Variants in RUSC2 observed in about 807,000 individuals in gnomAD.
The protein encoded by RUSC2 is AP-4 complex accessory subunit RUSC2.
Under a neutral mutation model 122.2 loss-of-function variants are expected in RUSC2, and 34 were observed. That is an observed-to-expected ratio of 0.28 (90% CI 0.21 to 0.37). The LOEUF is 0.37. RUSC2 is among the 10% of genes least tolerant of loss of function. The pLI is 1.00. For synonymous variants in RUSC2, 784 were observed against 790.0 expected (o/e 0.99, Z 0.13); for missense variants, 1,747 against 1,952.4 (o/e 0.89, Z 1.98).
At chr9:35,528,217 CT>C (rs1416853882) in intron 1 of RUSC2, among the ~76,000 whole-genome samples, 1 of 152,026 alleles carries the variant, frequency 6.6e-6, no homozygotes, top group Non-Finnish European at 1.5e-5. Context: ...AAGATGCCAT[CT>C]CTACAAAAAA....
chr9:35,560,884 G>A (rs754217684), intron 10 of RUSC2, 33 bp downstream of exon 10: 5 of 1,574,928 alleles, frequency 3.2e-6, no homozygotes, highest in Non-Finnish European at 4.3e-6. Context: ...GATGGAGGGA[G>A]TAGGGAGCCT....
At chr9:35,493,414 T>G (rs555252816) in intron 1 of RUSC2, among the ~76,000 whole-genome samples, 1 of 152,356 alleles carries the variant, frequency 6.6e-6, no homozygotes, top group Non-Finnish European at 1.5e-5. Flanking sequence ...TTCCGTGGCT[T>G]TGCTATTGTA....
At chr9:35,545,802 A>G (rs1393463744) in intron 1 of RUSC2, among the ~76,000 whole-genome samples, 2 of 152,296 alleles carry the variant, frequency 1.3e-5, no homozygotes, top group South Asian at 2.1e-4. Flanking sequence ...AAGTTCTAGT[A>G]TAGTAGTGAG....
At chr9:35,513,053 A>C (rs1345520501) in intron 1 of RUSC2, among the ~76,000 whole-genome samples, 1 of 152,234 alleles carries the variant, frequency 6.6e-6, no homozygotes, top group East Asian at 1.9e-4. Context: ...AATGACTATA[A>C]ATATTAATTG....
At chr9:35,508,328 T>C (rs946846066) in intron 1 of RUSC2, among the ~76,000 whole-genome samples, 1 of 152,218 alleles carries the variant, frequency 6.6e-6, no homozygotes, top group African/African-American at 2.4e-5. Flanking sequence ...TATTCCTCCT[T>C]TGAAGCGTAA....
chr9:35,560,990 G>A lies in RUSC2; in HGVS notation c.4242G>A (p.Lys1414=), dbSNP rs1822148862. The change falls in exon 11 of 12, where the codon AAG becomes AAA. Residue 1414 remains lysine (K), a synonymous_variant. Coordinates refer to ENST00000361226, the MANE Select transcript of RUSC2 (RefSeq NM_014806.5). ...CCTCGGACTGGCTGAGCCTGGACAA[G>A]TCCATGTTCCAACTAGTGGCGCAGA... ...RLPSDWLSLD[K]SMFQLVAQTV... is the part of the protein sequence containing the mutation. 14 of 1,614,104 alleles carry A rather than the reference G, an allele frequency of 8.7e-6. No individual in the cohort carries two copies. Among genetic ancestry groups the A allele is most frequent in the African/African-American group, 1.3e-5 (1 of 74,946 alleles).
At position 35,560,686 on chromosome 9, in the gene RUSC2, C is replaced by G. The variant is rs762812949; in HGVS notation, c.4046C>G (p.Pro1349Arg). 2 of 1,571,994 alleles carry G rather than the reference C, an allele frequency of 1.3e-6. No homozygotes were observed. The highest frequency in any genetic ancestry group is 1.7e-6 in the Non-Finnish European group (2 of 1,157,740). Reference protein sequence around the residue: ...RGWPFWMGSPPDSVLAELRRS... With the variant: ...RGWPFWMGSPRDSVLAELRRS... ...TGGCCCTTCTGGATGGGGAGCCCCC[C>G]TGACTCTGTGCTGGCCGAGCTGAGG... is the stretch of plus-strand genomic sequence containing the variant. Residue 1349 changes from proline (P) to arginine (R), a missense_variant, in exon 10 of 12, where the codon CCT (proline) becomes CGT (arginine). Transcript: ENST00000361226.
intron 9 of RUSC2, 34 bp downstream of exon 9, chr9:35,559,306 G>A: frequency 6.4e-7 from 1 of 1,570,916 alleles, no homozygotes; most frequent in Non-Finnish European, 8.8e-7. Context: ...CAAACTCAAT[G>A]GGTCAGAATT....
chr9:35,556,021 G>T lies in RUSC2; in HGVS notation c.2726G>T (p.Gly909Val). The T allele has an allele frequency of 6.2e-7, 1 of 1,614,222 alleles. No individual in the cohort carries two copies. Among genetic ancestry groups the T allele is most frequent in the Non-Finnish European group, 8.5e-7 (1 of 1,180,036 alleles). ...YRRKNPLGPP[G>V]LSGSLDRRSQ... ...AGGAAGAACCCACTAGGGCCACCTG[G>T]TTTGTCAGGGAGCCTAGACCGAAGA... Residue 909 changes from glycine to valine, a missense_variant, in exon 4 of 12, where the codon GGT (glycine) becomes GTT (valine). By Grantham distance (109) the Gly-to-Val change is moderately radical. Coordinates refer to ENST00000361226, the MANE Select transcript of RUSC2 (RefSeq NM_014806.5).
At chr9:35,529,809 C>T (rs1821386561) in intron 1 of RUSC2, among the ~76,000 whole-genome samples, 1 of 152,116 alleles carries the variant, frequency 6.6e-6, no homozygotes, top group Admixed American at 6.6e-5. Context: ...TTATTAAGCA[C>T]TTTACTAAGG....
In RUSC2 at chr9:35,547,676, C is replaced by T. The variant is rs1260901670; in HGVS notation, c.1155C>T (p.Ser385=). Residue 385 remains serine, a synonymous_variant, in exon 2 of 12, where the codon AGC becomes AGT. Coordinates refer to ENST00000361226, the MANE Select transcript of RUSC2 (RefSeq NM_014806.5). The surrounding 1 kb of genome is among the most constrained non-coding windows in gnomAD (Gnocchi z 4.6). ...AVADLTACFQ[S]QARLVVATQN... is the part of the protein sequence containing the mutation. ...CTGACCTCACAGCCTGCTTCCAAAGCCAGGCCCGTCTTGTTGTGGCCACAC... is the reference window on the plus strand; with the variant it reads ...CTGACCTCACAGCCTGCTTCCAAAGTCAGGCCCGTCTTGTTGTGGCCACAC... 4 of 1,614,190 alleles carry T rather than the reference C, an allele frequency of 2.5e-6. No homozygotes were observed. In the South Asian group the frequency reaches 4.4e-5, roughly 18 times the overall value.
intron 1 of RUSC2, among the ~76,000 whole-genome samples, chr9:35,532,477 G>A (rs765187828): frequency 6.6e-6 from 1 of 152,206 alleles, no homozygotes; most frequent in African/African-American, 2.4e-5. Flanking sequence ...GGGTTTGATG[G>A]CACATGCCTA....
chr9:35,559,327 A>G (rs1822091475), intron 9 of RUSC2, 55 bp downstream of exon 9: 1 of 1,429,596 alleles, frequency 7.0e-7, no homozygotes, highest in Non-Finnish European at 9.9e-7. Context: ...CAGAGGCACA[A>G]AAGAGGAAGG....
At chr9:35,492,787 C>T (rs1384926691) in intron 1 of RUSC2, among the ~76,000 whole-genome samples, 2 of 151,806 alleles carry the variant, frequency 1.3e-5, no homozygotes, top group African/African-American at 4.8e-5. Flanking sequence ...AACTTTTTTT[C>T]ATCTTCCCAG....
At position 35,548,805 on chromosome 9, in the gene RUSC2, G is replaced by A. The variant is rs965700081; in HGVS notation, c.2014+270G>A. On this transcript the variant is annotated intron_variant, in intron 2 of 11. Transcript: ENST00000361226. This position sits in a 1 kb window ranked among gnomAD's most constrained non-coding sequence, Gnocchi z 4.5. ...AGCCCTTTGGGAGGCCAAGCCAGGC[G>A]AATCACTTGAGGTCAGGAGTTTGAG... The A allele has an allele frequency of 1.7e-5, 16 of 917,598 alleles. No homozygotes were observed. The African/African-American group carries it at 1.8e-4, about 10-fold the overall frequency. 56.8% of individuals were successfully genotyped at this position (917,598 alleles called of 1,614,324 possible).
At chr9:35,520,393 G>A (rs1302419959) in intron 1 of RUSC2, among the ~76,000 whole-genome samples, 1 of 152,200 alleles carries the variant, frequency 6.6e-6, no homozygotes, top group Non-Finnish European at 1.5e-5. Flanking sequence ...AGGACAACTA[G>A]GCTTCCCCCA....
intron 2 of RUSC2, among the ~76,000 whole-genome samples, chr9:35,552,627 A>AGAGTGGATG (rs1290581510): frequency 6.6e-6 from 1 of 152,274 alleles, no homozygotes; most frequent in African/African-American, 2.4e-5. Context: ...CCAGAAAGAA[A>AGAGTGGATG]GAGTGGATAG....
intron 1 of RUSC2, among the ~76,000 whole-genome samples, chr9:35,508,687 C>T (rs919275624): frequency 6.6e-6 from 1 of 152,194 alleles, no homozygotes; most frequent in African/African-American, 2.4e-5. Context: ...TGACAATTCC[C>T]TGATGCTACT....
At position 35,547,041 on chromosome 9, in the gene RUSC2, C is replaced by A; in HGVS notation, c.520C>A (p.Gln174Lys). 1 of 1,610,458 alleles carries A rather than the reference C, an allele frequency of 6.2e-7. No homozygotes were observed. Among genetic ancestry groups the A allele is most frequent in the East Asian group, 2.2e-5 (1 of 44,836 alleles). The stretch of plus-strand genomic sequence containing the variant: ...GGCTGGAGTGGTGGAAGGGCAGGAA[C>A]AGGAGCCAGTGATGACCTTGGATAC... ...SRAGVVEGQEQEPVMTLDTQQ... is the reference protein window; with the variant it reads ...SRAGVVEGQEKEPVMTLDTQQ... The change falls in exon 2 of 12, where the codon CAG becomes AAG. Residue 174 changes from glutamine to lysine, a missense_variant. Gln to Lys is a moderately conservative substitution (Grantham distance 53, BLOSUM62 1). Coordinates refer to ENST00000361226, the MANE Select transcript of RUSC2 (RefSeq NM_014806.5). This position sits in a 1 kb window ranked among gnomAD's most constrained non-coding sequence, Gnocchi z 4.6.
Sources: allele counts gnomAD v4.1 joint callset (sites outside exome capture counted in the v4.1 genomes callset), GRCh38; gene constraint gnomAD v4.1.1; non-coding constraint Gnocchi (gnomAD v3.1); transcripts MANE v1.5; gene names NCBI Gene and HGNC (gene_info 2026-07-23, HGNC 2026-07-21).